The following PATJ variants were observed in gnomAD, a reference collection of about 807,000 sequenced individuals.
The protein encoded by PATJ is PATJ crumbs cell polarity complex component, also known as inaD-like protein.
A neutral mutation model predicts 224.9 loss-of-function variants in PATJ; 190 were observed. That is an observed-to-expected ratio of 0.84 (90% CI 0.75 to 0.95). PATJ has a LOEUF of 0.95. Among genes scored for constraint, PATJ ranks in the 40% least tolerant of loss-of-function variants. The pLI, the probability that PATJ is intolerant of heterozygous loss-of-function variation, is 0.00. For synonymous variants in PATJ, 769 were observed against 820.3 expected (o/e 0.94, Z 1.07); for missense variants, 2,121 against 2,270.3 (o/e 0.93, Z 1.34).
At position 61,787,676 on chromosome 1, in the gene PATJ, T is replaced by C; in HGVS notation, c.850-78T>C. On this transcript the variant is annotated intron_variant, in intron 7 of 43. Transcript: ENST00000642238. ...TCTTTGTCAGCCATTTTGCCAGAGC[T>C]GAAAGTCTGATGAATTGTTATTAAC... is the stretch of plus-strand genomic sequence containing the variant. 4 of 1,115,560 alleles carry C rather than the reference T, an allele frequency of 3.6e-6. No homozygotes were observed. The South Asian group carries it at 5.6e-5, about 16-fold the overall frequency. The allele number at this position is 1,115,560 out of a possible 1,614,324, so 69.1% of individuals were successfully genotyped here.
intron 43 of PATJ, among the ~76,000 whole-genome samples, chr1:62,157,169 C>A (rs1198494712): frequency 6.6e-6 from 1 of 151,080 alleles, no homozygotes; most frequent in Non-Finnish European, 1.5e-5. Context: ...ACTAAAAACA[C>A]AAAAATTAGC....
At chr1:61,962,600 C>T (rs1681472919) in intron 27 of PATJ, among the ~76,000 whole-genome samples, 1 of 152,244 alleles carries the variant, frequency 6.6e-6, no homozygotes, top group African/African-American at 2.4e-5. Flanking sequence ...AATCGGTGAT[C>T]ATTAGGGAGA....
rs529978820 is a variant in PATJ, at chr1:61,832,039, C to T, written c.1981-1615C>T. The stretch of plus-strand genomic sequence containing the variant: ...GTCCTTTGCAGCAACCTGAATGGAG[C>T]CAGAGGCCATTATCCTAAGCAAATT... On this transcript the variant is annotated intron_variant, in intron 16 of 43. Coordinates refer to ENST00000642238, the MANE Select transcript of PATJ (RefSeq NM_001350145.3). Among the ~76,000 whole-genome samples the T allele has an allele frequency of 2.6e-5, 4 of 152,224 alleles. No individual in the cohort carries two copies. The South Asian group carries it at 8.3e-4, about 32-fold the overall frequency.
chr1:62,158,441 C>T (rs1273856153), intron 43 of PATJ, among the ~76,000 whole-genome samples: 1 of 147,524 alleles, frequency 6.8e-6, no homozygotes, highest in Non-Finnish European at 1.5e-5. Context: ...GAGACCAGGC[C>T]GGTCACGGTG....
At chr1:61,978,241 C>T (rs1199542900) in intron 27 of PATJ, among the ~76,000 whole-genome samples, 4 of 146,568 alleles carry the variant, frequency 2.7e-5, no homozygotes, top group African/African-American at 1.0e-4. Context: ...CCCTCCCTCC[C>T]TCCCTCCTTC....
intron 11 of PATJ, among the ~76,000 whole-genome samples, chr1:61,800,886 C>T (rs933469136): frequency 6.6e-6 from 1 of 152,196 alleles, no homozygotes; most frequent in Non-Finnish European, 1.5e-5. Flanking sequence ...CAGCTTCACC[C>T]ATGTCCCTAC....
At chr1:61,805,316 A>G (rs1653309089) in intron 12 of PATJ, 132 bp from the exon 13 acceptor site, 2 of 617,286 alleles carry the variant, frequency 3.2e-6, no homozygotes, top group East Asian at 2.7e-5. Flanking sequence ...AAGTTAATGC[A>G]TTTTCCTTTT....
intron 21 of PATJ, among the ~76,000 whole-genome samples, chr1:61,877,632 T>C (rs752070703): frequency 2.1e-4 from 32 of 152,062 alleles, no homozygotes; most frequent in Non-Finnish European, 5.9e-5. Flanking sequence ...TATGAAGACA[T>C]GCGTGCTTCC....
intron 42 of PATJ, among the ~76,000 whole-genome samples, chr1:62,149,645 C>A (rs556658771): frequency 3.5e-4 from 53 of 150,938 alleles, no homozygotes; most frequent in African/African-American, 1.3e-3. Flanking sequence ...ATAGGAAGTA[C>A]AGCGTACCTT....
intron 27 of PATJ, among the ~76,000 whole-genome samples, chr1:61,961,226 A>G (rs774438243): frequency 2.0e-5 from 3 of 152,148 alleles, no homozygotes; most frequent in African/African-American, 4.8e-5. Context: ...GACACAGTCA[A>G]ATGGATTCCA....
intron 1 of PATJ, among the ~76,000 whole-genome samples, chr1:61,759,280 C>CA (rs899717373): frequency 2.0e-5 from 3 of 152,124 alleles, no homozygotes; most frequent in African/African-American, 4.8e-5. Context: ...CCTCCTCTTC[C>CA]AATGTGGCCC....
chr1:62,026,774 A>G (rs1015547192), intron 29 of PATJ, among the ~76,000 whole-genome samples: 13 of 152,160 alleles, frequency 8.5e-5, no homozygotes, highest in African/African-American at 3.1e-4. Flanking sequence ...TCACACTTTC[A>G]CTTCTTTTCT....
chr1:62,079,553 A>G lies in PATJ; in HGVS notation c.4229A>G (p.Asp1410Gly). ...PASSYHSTDA[D>G]FTGYGGFQAP... ...TCATCATACCATTCAACAGATGCAG[A>G]CTTCACAGGCTATGGTATGATTCTT... The change falls in exon 32 of 44, where the codon GAC becomes GGC. Residue 1410 changes from aspartate (D) to glycine (G), a missense_variant. Transcript: ENST00000642238. 1.3e-6 allele frequency: 2 copies of G among 1,595,774 alleles called. No homozygotes were observed. Among genetic ancestry groups the G allele is most frequent in the Non-Finnish European group, 1.7e-6 (2 of 1,163,548 alleles).
intron 22 of PATJ, among the ~76,000 whole-genome samples, chr1:61,886,632 C>T (rs2149087660): frequency 6.6e-6 from 1 of 151,602 alleles, no homozygotes; most frequent in South Asian, 2.1e-4. Flanking sequence ...CTAGCCTGGC[C>T]AACATGGTGA....
intron 27 of PATJ, among the ~76,000 whole-genome samples, chr1:61,967,524 T>C (rs1262130416): frequency 2.0e-5 from 3 of 152,204 alleles, no homozygotes; most frequent in African/African-American, 7.2e-5. Context: ...ATGTGTGTGA[T>C]TTATAATTTG....
At chr1:61,791,834 A>C (rs1449760722) in intron 9 of PATJ, among the ~76,000 whole-genome samples, 1 of 152,094 alleles carries the variant, frequency 6.6e-6, no homozygotes, top group African/African-American at 2.4e-5. Context: ...GTGTTTTATC[A>C]CTAAAAAAAA....
At chr1:61,872,514 T>C (rs966893196) in intron 20 of PATJ, among the ~76,000 whole-genome samples, 2 of 152,234 alleles carry the variant, frequency 1.3e-5, no homozygotes, top group East Asian at 1.9e-4. Flanking sequence ...TTCCCTGTTA[T>C]CTAAAGCCAG....
chr1:61,900,680 C>T (rs1431236149), intron 23 of PATJ, among the ~76,000 whole-genome samples: 4 of 152,056 alleles, frequency 2.6e-5, no homozygotes, highest in African/African-American at 7.2e-5. Flanking sequence ...AGCTCTGCCT[C>T]CCGGGTTCAC....
At chr1:62,055,978 C>T (rs1330815631) in intron 31 of PATJ, among the ~76,000 whole-genome samples, 1 of 152,174 alleles carries the variant, frequency 6.6e-6, no homozygotes, top group African/African-American at 2.4e-5. Flanking sequence ...GGCTGGAGAA[C>T]ATGGAGTTCT....
Sources: gnomAD v4.1 joint callset for allele counts (sites outside exome capture counted in the v4.1 genomes callset) on GRCh38, gnomAD v4.1.1 for gene constraint, MANE v1.5 for transcripts, NCBI Gene and HGNC (gene_info 2026-07-23, HGNC 2026-07-21) for gene names.